MAN1A1: variants seen among roughly 807,000 people sequenced by gnomAD.
The protein encoded by MAN1A1 is mannosyl-oligosaccharide 1,2-alpha-mannosidase IA.
MAN1A1 carries 29 observed loss-of-function variants against 70.8 expected under a neutral mutation model. The ratio of observed to expected loss-of-function variants is 0.41; its 90% confidence interval spans 0.31 to 0.56. The LOEUF (loss-of-function observed/expected upper bound fraction) is 0.56, where lower values mean the gene tolerates loss of function less well. Ranked by LOEUF, MAN1A1 falls within the 20% of genes least tolerant of loss-of-function variation. The pLI, the probability that MAN1A1 is intolerant of heterozygous loss-of-function variation, is 0.29. For synonymous variants in MAN1A1, 349 were observed against 330.1 expected (o/e 1.06, Z -0.62); for missense variants, 747 against 841.3 (o/e 0.89, Z 1.39).
At chr6:119,241,256 A>C (rs1774996366) in intron 6 of MAN1A1, among the ~76,000 whole-genome samples, 1 of 152,190 alleles carries the variant, frequency 6.6e-6, no homozygotes, top group African/African-American at 2.4e-5. Flanking sequence ...CTTAGAGTTA[A>C]GTGGAAACTT....
rs374249708 is a variant in MAN1A1, at chr6:119,179,865, G to C, written c.1916C>G (p.Pro639Arg). ...WIFNSEAHLLPILPKDKKEVE... is the reference protein window; with the variant it reads ...WIFNSEAHLLRILPKDKKEVE... ...TTCCTTTTTATCTTTAGGGAGGATA[G>C]GGAGAAGATGTGCCTCGCTATTGAA... Residue 639 changes from proline to arginine, a missense_variant, in exon 13 of 13, where the codon CCT becomes CGT. This residue lies in a region of MAN1A1 where 419 missense variants were observed against 548.2 expected (regional missense o/e 0.76). Transcript: ENST00000368468. 113 of 1,612,966 alleles carry C rather than the reference G, an allele frequency of 7.0e-5. No homozygotes were observed. Among genetic ancestry groups the C allele is most frequent in the African/African-American group, 9.3e-5 (7 of 74,882 alleles).
At chr6:119,263,192 G>A (rs537694710) in intron 5 of MAN1A1, among the ~76,000 whole-genome samples, 1 of 151,908 alleles carries the variant, frequency 6.6e-6, no homozygotes, top group East Asian at 1.9e-4. Context: ...TAAAAGGGGA[G>A]TTTATTAAGT....
intron 2 of MAN1A1, among the ~76,000 whole-genome samples, chr6:119,317,322 G>A (rs925506262): frequency 1.3e-5 from 2 of 152,052 alleles, no homozygotes; most frequent in African/African-American, 4.8e-5. Context: ...AATGTATAAT[G>A]GCATGTATTT....
chr6:119,232,679 ATGTGTGTGTGTG>A (rs78960133), intron 6 of MAN1A1, among the ~76,000 whole-genome samples: 26 of 143,506 alleles, frequency 1.8e-4, no homozygotes, highest in Non-Finnish European at 2.9e-4. Context: ...ACACATATAT[ATGTGTGTGTGTG>A]TGTGTGTGTG....
chr6:119,243,195 T>C (rs1775058864), intron 6 of MAN1A1, among the ~76,000 whole-genome samples: 1 of 152,128 alleles, frequency 6.6e-6, no homozygotes, highest in African/African-American at 2.4e-5. Flanking sequence ...AATTAAGCAA[T>C]ATTTTTGCCT....
Position 119,248,168 on chromosome 6 carries a change from A to G in MAN1A1, c.992+92T>C, listed in dbSNP as rs1454118433. On this transcript the variant is annotated intron_variant, in intron 6 of 12. Transcript: ENST00000368468. ...GTGGAGTCTGTTAGTCACCAGTATC[A>G]TATAAGTAATTATCTATCTAATGTA... 6.2e-6 allele frequency: 5 copies of G among 808,826 alleles called. No individual in the cohort carries two copies. In the East Asian group the frequency reaches 1.3e-4, roughly 21 times the overall value. The allele number at this position is 808,826 out of a possible 1,614,324, so 50.1% of individuals were successfully genotyped here. A position where few individuals can be genotyped will look rare whatever the true frequency, so the allele number is the denominator to read the frequency against.
chr6:119,239,283 C>A (rs898092504), intron 6 of MAN1A1, among the ~76,000 whole-genome samples: 2 of 152,292 alleles, frequency 1.3e-5, no homozygotes, highest in African/African-American at 4.8e-5. Flanking sequence ...AATTGCACTG[C>A]CTGTACTTAC....
chr6:119,299,084 A>G (rs1410837550), intron 4 of MAN1A1, among the ~76,000 whole-genome samples: 1 of 151,682 alleles, frequency 6.6e-6, no homozygotes, highest in Non-Finnish European at 1.5e-5. Flanking sequence ...AAAATTTCTC[A>G]ATGTTTTTTG....
chr6:119,206,872 A>G (rs540227012), intron 6 of MAN1A1, among the ~76,000 whole-genome samples: 4 of 152,346 alleles, frequency 2.6e-5, no homozygotes, highest in Non-Finnish European at 5.9e-5. Flanking sequence ...ACATAAGGCA[A>G]TATCAGGGTA....
intron 6 of MAN1A1, among the ~76,000 whole-genome samples, chr6:119,229,419 T>TA (rs1346460685): frequency 6.6e-6 from 1 of 152,196 alleles, no homozygotes; most frequent in Non-Finnish European, 1.5e-5. Context: ...TTGACAAACT[T>TA]ATTTATCTAT....
At chr6:119,221,944 A>G (rs959339194) in intron 6 of MAN1A1, among the ~76,000 whole-genome samples, 1 of 152,168 alleles carries the variant, frequency 6.6e-6, no homozygotes, top group Non-Finnish European at 1.5e-5. Flanking sequence ...CTCCATATTA[A>G]TATACTTTTG....
At chr6:119,265,264 C>T (rs1005623936) in intron 5 of MAN1A1, among the ~76,000 whole-genome samples, 2 of 151,994 alleles carry the variant, frequency 1.3e-5, no homozygotes, top group Admixed American at 1.3e-4. Flanking sequence ...ATACACCCAG[C>T]TAATTTTTAA....
intron 8 of MAN1A1, 124 bp downstream of exon 8, chr6:119,201,130 G>C (rs184073578): frequency 5.4e-4 from 370 of 684,818 alleles, no homozygotes; most frequent in Non-Finnish European, 8.0e-4. Flanking sequence ...TTTATTAAAG[G>C]AGCCATGCCC....
intron 11 of MAN1A1, among the ~76,000 whole-genome samples, chr6:119,183,678 T>C (rs1360180905): frequency 1.3e-5 from 2 of 152,162 alleles, no homozygotes; most frequent in East Asian, 1.9e-4. Context: ...CTTCTTTTGT[T>C]AGAGGAGTTG....
intron 2 of MAN1A1, among the ~76,000 whole-genome samples, chr6:119,332,372 A>G (rs1389749628): frequency 6.6e-6 from 1 of 152,244 alleles, no homozygotes; most frequent in Non-Finnish European, 1.5e-5. Flanking sequence ...ATGATGGAGT[A>G]TAACTGAGAA....
chr6:119,235,354 A>G (rs1425454207), intron 6 of MAN1A1, among the ~76,000 whole-genome samples: 1 of 152,236 alleles, frequency 6.6e-6, no homozygotes, highest in Non-Finnish European at 1.5e-5. Context: ...ATAAGAACGC[A>G]AAACAGCCTT....
chr6:119,315,444 A>G (rs1206431751), intron 2 of MAN1A1, among the ~76,000 whole-genome samples: 2 of 152,224 alleles, frequency 1.3e-5, no homozygotes, highest in Non-Finnish European at 2.9e-5. Flanking sequence ...GTTTCTAAGA[A>G]GTATCTCGTT....
chr6:119,226,981 T>C (rs930727908), intron 6 of MAN1A1, among the ~76,000 whole-genome samples: 5 of 152,152 alleles, frequency 3.3e-5, no homozygotes, highest in African/African-American at 1.2e-4. Flanking sequence ...TGAACGTGAA[T>C]TTTCATAAGC....
intron 6 of MAN1A1, among the ~76,000 whole-genome samples, chr6:119,207,737 C>T (rs73767286): frequency 6.6e-6 from 1 of 152,232 alleles, no homozygotes; most frequent in African/African-American, 2.4e-5. Flanking sequence ...GATGTATGGA[C>T]ATGGGCATTT....
Sources: allele counts gnomAD v4.1 joint callset (sites outside exome capture counted in the v4.1 genomes callset), GRCh38; gene constraint gnomAD v4.1.1; regional missense constraint gnomAD v4.1.1; transcripts MANE v1.5; gene names NCBI Gene and HGNC (gene_info 2026-07-23, HGNC 2026-07-21).